Variants in EXD3 observed in about 807,000 individuals in gnomAD.
The protein encoded by EXD3 is exonuclease mut-7 homolog.
Under a neutral mutation model 98.0 loss-of-function variants are expected in EXD3, and 92 were observed. The ratio of observed to expected loss-of-function variants is 0.94; its 90% CI spans 0.79 to 1.12. The LOEUF (loss-of-function observed/expected upper bound fraction) is 1.12. Among genes scored for constraint, EXD3 ranks in the 50% most tolerant of loss-of-function variants. The pLI, the probability that EXD3 is intolerant of heterozygous loss-of-function variation, is 0.00. For missense variants in EXD3, 1,222 were observed against 1,191.6 expected (o/e 1.03, Z -0.38); for synonymous variants, 569 against 526.0 (o/e 1.08, Z -1.12).
Position 137,348,143 on chromosome 9 carries a change from T to C in EXD3, c.1926A>G (p.Ala642=). ...VVCDNMLQGL[A]RSLRCLGVDA... ...CCACACCGAGACAGCGGAGGCTCCGTGCCAGCCCCTGCAGCATGTTGTCAC... is the reference window on the plus strand; with the variant it reads ...CCACACCGAGACAGCGGAGGCTCCGCGCCAGCCCCTGCAGCATGTTGTCAC... The change falls in exon 17 of 22, where the codon GCA becomes GCG. Residue 642 remains alanine, a synonymous_variant. Coordinates refer to ENST00000340951, the MANE Select transcript of EXD3 (RefSeq NM_017820.5). 3 of 1,610,630 alleles carry C rather than the reference T, an allele frequency of 1.9e-6. No individual in the cohort carries two copies. The highest frequency in any genetic ancestry group is 2.5e-6 in the Non-Finnish European group (3 of 1,179,456).
chr9:137,357,423 C>T (rs1205516078), intron 7 of EXD3: 1 of 152,132 alleles, frequency 6.6e-6, no homozygotes, highest in African/African-American at 2.4e-5. Context: ...CATCTTTTCT[C>T]TTTGATTTTC....
rs746288307 is a variant in EXD3, at chr9:137,349,342, G to T, written c.1657+27C>A. 4 of 1,556,388 alleles carry T rather than the reference G, an allele frequency of 2.6e-6. No individual in the cohort carries two copies. Among genetic ancestry groups the T allele is most frequent in the Non-Finnish European group, 3.5e-6 (4 of 1,156,174 alleles). On this transcript the variant is annotated intron_variant, in intron 15 of 21. Coordinates refer to ENST00000340951, the MANE Select transcript of EXD3 (RefSeq NM_017820.5). This position sits in a 1 kb window ranked among gnomAD's most constrained non-coding sequence, Gnocchi z 7.4. ...GAGGGCGGGAGGGGCGTGAGGAGGGGTCACTCCCACCCGCCGCACCGCACA... is the reference window on the plus strand; with the variant it reads ...GAGGGCGGGAGGGGCGTGAGGAGGGTTCACTCCCACCCGCCGCACCGCACA...
intron 17 of EXD3, among the ~76,000 whole-genome samples, chr9:137,340,859 A>G (rs1269569518): frequency 6.6e-6 from 1 of 152,224 alleles, no homozygotes; most frequent in Non-Finnish European, 1.5e-5. Flanking sequence ...ATTGATTTAT[A>G]GAGTCAATGC....
At position 137,388,776 on chromosome 9, in the gene EXD3, A is replaced by G. The variant is rs561039446; in HGVS notation, c.56-5399T>C. 1.0e-3 allele frequency among the ~76,000 whole-genome samples: 156 copies of G among 152,214 alleles called. 1 individual carries two copies. The highest frequency in any genetic ancestry group is 3.6e-3 in the African/African-American group (151 of 41,538). ...GTCACAAAGCTCACAGCCCGTCTCC[A>G]AGGCCGTCCCACACCTGCCAGCAGC... On this transcript the variant is annotated intron_variant, in intron 2 of 21. Coordinates refer to ENST00000340951, the MANE Select transcript of EXD3 (RefSeq NM_017820.5).
At chr9:137,364,837 C>T (rs1362891890) in intron 7 of EXD3, among the ~76,000 whole-genome samples, 6 of 147,530 alleles carry the variant, frequency 4.1e-5, no homozygotes, top group African/African-American at 7.5e-5. Flanking sequence ...GGTACTATCT[C>T]GGCTCACTGC....
At chr9:137,337,651 A>C (rs559689529) in intron 17 of EXD3, among the ~76,000 whole-genome samples, 16 of 150,542 alleles carry the variant, frequency 1.1e-4, no homozygotes, top group African/African-American at 3.7e-4. Context: ...ATTTCTTCTC[A>C]AAAAAAAAGA....
chr9:137,307,710 G>A, intron 20 of EXD3, 64 bp from the exon 21 acceptor site: 2 of 1,576,950 alleles, frequency 1.3e-6, no homozygotes, highest in South Asian at 2.2e-5. Context: ...CAGCCAGCGG[G>A]GTCCATGACG....
chr9:137,395,160 C>A lies in EXD3; in HGVS notation c.55+143G>T. 1.3e-6 allele frequency: 1 copy of A among 741,438 alleles called. No homozygotes were observed. Among genetic ancestry groups the A allele is most frequent in the Admixed American group, 2.2e-5 (1 of 46,500 alleles). The allele number at this position is 741,438 out of a possible 1,614,324, so 45.9% of individuals were successfully genotyped here. A position where few individuals can be genotyped will look rare whatever the true frequency, so the allele number is the denominator to read the frequency against. On this transcript the variant is annotated intron_variant, in intron 2 of 21. Coordinates refer to ENST00000340951, the MANE Select transcript of EXD3 (RefSeq NM_017820.5). The surrounding 1 kb of genome is among the most constrained non-coding windows in gnomAD (Gnocchi z 6.5). ...GACTCACAAGGTCCCAAGCCGTGGACACTGTAGAGAGGCCCGCAGCTAGGG... is the reference window on the plus strand; with the variant it reads ...GACTCACAAGGTCCCAAGCCGTGGAAACTGTAGAGAGGCCCGCAGCTAGGG...
At chr9:137,396,625 C>T (rs1481820237) in intron 1 of EXD3, among the ~76,000 whole-genome samples, 1 of 152,216 alleles carries the variant, frequency 6.6e-6, no homozygotes, top group African/African-American at 2.4e-5. Flanking sequence ...TGTCGGCCAA[C>T]ACGCACCCCT....
At chr9:137,420,035 C>T (rs990356486) in intron 1 of EXD3, among the ~76,000 whole-genome samples, 4 of 152,076 alleles carry the variant, frequency 2.6e-5, no homozygotes, top group African/African-American at 4.8e-5. Context: ...TGGCAGGTGC[C>T]TGTAGTCCCA....
In EXD3 at chr9:137,326,078, C is replaced by CAAA. The variant is rs796346556; in HGVS notation, c.1999-1938_1999-1936dup. Among the ~76,000 whole-genome samples the CAAA allele has an allele frequency of 8.5e-3, 814 of 95,520 alleles. 4 individuals carry two copies. The highest frequency in any genetic ancestry group is 0.012 in the Non-Finnish European group (567 of 46,304). The allele number at this position is 95,520 out of a possible 152,430, so 62.7% of individuals were successfully genotyped here. On this transcript the variant is annotated intron_variant, in intron 17 of 21. Coordinates refer to ENST00000340951, the MANE Select transcript of EXD3 (RefSeq NM_017820.5). ...TGGGCTACAAAGTGAGAACCTGTCT[C>CAAA]AAAAAAAAAAAAAAAAAGACTCTTA...
chr9:137,375,725 A>G (rs1818760146), intron 3 of EXD3, among the ~76,000 whole-genome samples: 1 of 152,202 alleles, frequency 6.6e-6, no homozygotes, highest in African/African-American at 2.4e-5. Context: ...TTCTAGCCCT[A>G]GTGAGTTCTA....
Position 137,354,385 on chromosome 9 carries a change from G to C in EXD3, c.832-8C>G, listed in dbSNP as rs1182613987. On this transcript the variant is annotated splice_region_variant and splice_polypyrimidine_tract_variant and intron_variant, in intron 9 of 21. Transcript: ENST00000340951. ...CTCCTGTGACAGGCTCTTCTGCAAA[G>C]GCAAACAGGAAGGGGCGGTTGCCAG... 6.2e-7 allele frequency: 1 copy of C among 1,612,408 alleles called. No individual in the cohort carries two copies.
At chr9:137,402,176 C>T (rs530390413) in intron 1 of EXD3, among the ~76,000 whole-genome samples, 33 of 152,046 alleles carry the variant, frequency 2.2e-4, no homozygotes, top group African/African-American at 5.5e-4. Context: ...CCACCACGCC[C>T]GGCTAATTTT....
intron 20 of EXD3, among the ~76,000 whole-genome samples, chr9:137,308,655 G>A (rs1831188928): frequency 7.3e-6 from 1 of 136,274 alleles, no homozygotes; most frequent in Non-Finnish European, 1.6e-5. Flanking sequence ...TTTTTTTTTG[G>A]AGACGGAGTC....
intron 1 of EXD3, among the ~76,000 whole-genome samples, chr9:137,411,874 G>A (rs901280548): frequency 6.6e-6 from 1 of 152,198 alleles, no homozygotes; most frequent in African/African-American, 2.4e-5. Flanking sequence ...TTGTCCGGGC[G>A]CCAGGTCACG....
intron 17 of EXD3, among the ~76,000 whole-genome samples, chr9:137,326,821 T>C (rs1301900292): frequency 1.3e-5 from 2 of 151,900 alleles, no homozygotes; most frequent in Non-Finnish European, 2.9e-5. Context: ...ACAGAGTCAG[T>C]AGAGGATTCA....
intron 17 of EXD3, among the ~76,000 whole-genome samples, chr9:137,327,686 A>AAC (rs1554801549): frequency 3.3e-5 from 1 of 30,376 alleles, no homozygotes. Context: ...GATGAGTAAA[A>AAC]AACTGATATA....
At chr9:137,344,885 A>C (rs1015689379) in intron 17 of EXD3, among the ~76,000 whole-genome samples, 2 of 151,882 alleles carry the variant, frequency 1.3e-5, no homozygotes, top group African/African-American at 4.8e-5. Context: ...AGATCTCCTC[A>C]GCTGAATATC....
Sources: allele counts gnomAD v4.1 joint callset (sites outside exome capture counted in the v4.1 genomes callset), GRCh38; gene constraint gnomAD v4.1.1; non-coding constraint Gnocchi (gnomAD v3.1); transcripts MANE v1.5; gene names NCBI Gene and HGNC (gene_info 2026-07-23, HGNC 2026-07-21).